The following DIAPH2 variants were observed in gnomAD, a reference collection of about 807,000 sequenced individuals.
DIAPH2 encodes the protein protein diaphanous homolog 2.
In DIAPH2, 35 loss-of-function variants were observed where a neutral mutation model predicts 92.7. That is an observed-to-expected ratio of 0.38 (90% CI 0.29 to 0.50). DIAPH2 has a LOEUF of 0.50. Ranked by LOEUF, DIAPH2 falls within the 20% of genes least tolerant of loss-of-function variation. The pLI is 0.94. For missense variants in DIAPH2, 701 were observed against 819.5 expected, an observed-to-expected ratio of 0.86 and a Z score of 1.77; for synonymous variants, 301 against 280.4, an observed-to-expected ratio of 1.07 and a Z score of -0.73.
chrX:97,032,737 A>G (rs1359700010), intron 17 of DIAPH2, among the ~76,000 whole-genome samples: 2 of 111,811 alleles, frequency 1.8e-5, no homozygotes, highest in East Asian at 5.6e-4. Context: ...AAGAACTTGC[A>G]TAAGTTTCCT....
At chrX:97,116,025 C>CT (rs779374581) in intron 21 of DIAPH2, among the ~76,000 whole-genome samples, 1 of 111,422 alleles carries the variant, frequency 9.0e-6, no homozygotes, top group Admixed American at 9.5e-5. Context: ...TTCTTTCACT[C>CT]TTTTTTTTCT....
At chrX:96,716,657 A>G (rs933816627) in intron 1 of DIAPH2, among the ~76,000 whole-genome samples, 10 of 110,876 alleles carry the variant, frequency 9.0e-5, no homozygotes, top group Non-Finnish European at 1.9e-4. Context: ...CCCCAAACTG[A>G]GAATTAGTTT....
intron 4 of DIAPH2, among the ~76,000 whole-genome samples, chrX:96,777,715 C>T (rs968552720): frequency 2.7e-5 from 3 of 111,293 alleles, no homozygotes; most frequent in East Asian, 5.6e-4. Flanking sequence ...TCTGAGTTAT[C>T]ACATTTTAGG....
At chrX:97,166,683 G>A (rs1375620009) in intron 22 of DIAPH2, among the ~76,000 whole-genome samples, 1 of 109,514 alleles carries the variant, frequency 9.1e-6, no homozygotes, top group Non-Finnish European at 1.9e-5. Context: ...GTAATAGATA[G>A]TATGTAAGGT....
chrX:96,814,430 CT>C (rs1028315773), intron 4 of DIAPH2, among the ~76,000 whole-genome samples: 1 of 111,569 alleles, frequency 9.0e-6, no homozygotes, highest in Non-Finnish European at 1.9e-5. Flanking sequence ...TTTGTCTAAT[CT>C]TTTTTCTAGG....
At chrX:97,058,707 T>A (rs2066575692) in intron 17 of DIAPH2, among the ~76,000 whole-genome samples, 1 of 110,922 alleles carries the variant, frequency 9.0e-6, no homozygotes, top group East Asian at 2.8e-4. Flanking sequence ...CAGAAGATCA[T>A]CACTTTCACA....
chrX:97,563,698 G>A (rs545668500), intron 26 of DIAPH2, among the ~76,000 whole-genome samples: 3 of 111,592 alleles, frequency 2.7e-5, no homozygotes, highest in South Asian at 7.7e-4. Flanking sequence ...GATGAGCTTC[G>A]TGTGGATACG....
intron 5 of DIAPH2, among the ~76,000 whole-genome samples, chrX:96,905,473 T>C (rs1360269853): frequency 2.7e-5 from 3 of 110,840 alleles, no homozygotes; most frequent in Non-Finnish European, 3.8e-5. Flanking sequence ...TTATAGAAAA[T>C]TTTCCTCGTT....
At chrX:96,975,024 T>G (rs2065951842) in intron 17 of DIAPH2, among the ~76,000 whole-genome samples, 1 of 111,572 alleles carries the variant, frequency 9.0e-6, no homozygotes, top group Non-Finnish European at 1.9e-5. Context: ...TTAATAAAAT[T>G]TAGCTTCTTT....
intron 23 of DIAPH2, among the ~76,000 whole-genome samples, chrX:97,249,715 C>A (rs912387491): frequency 9.0e-6 from 1 of 111,581 alleles, no homozygotes; most frequent in African/African-American, 3.3e-5. Flanking sequence ...TATATGAGTT[C>A]TGGTGCCTAC....
At chrX:97,457,721 T>C (rs763144167) in intron 26 of DIAPH2, among the ~76,000 whole-genome samples, 50 of 111,927 alleles carry the variant, frequency 4.5e-4, no homozygotes, top group African/African-American at 1.5e-3. Context: ...AAAATACATA[T>C]GTTGAAACAT....
At chrX:97,194,549 G>A (rs1046388549) in intron 22 of DIAPH2, among the ~76,000 whole-genome samples, 4 of 111,316 alleles carry the variant, frequency 3.6e-5, no homozygotes, top group African/African-American at 3.3e-5. Context: ...CTCCCAAAGT[G>A]CTGGGATTAC....
chrX:96,954,848 A>G (rs918933588), intron 15 of DIAPH2, among the ~76,000 whole-genome samples: 5 of 112,509 alleles, frequency 4.4e-5, no homozygotes, highest in African/African-American at 1.6e-4. Context: ...GTTAGAAGCC[A>G]GCTAAGTTAC....
Position 97,576,230 on chromosome X carries a change from G to A in DIAPH2, c.3242-23023G>A, listed in dbSNP as rs531057344. Among the ~76,000 whole-genome samples, 3 of 111,469 alleles carry A rather than the reference G, an allele frequency of 2.7e-5. No individual in the cohort carries two copies. In the East Asian group the frequency reaches 8.5e-4, roughly 32 times the overall value. On this transcript the variant is annotated intron_variant, in intron 26 of 26. Coordinates refer to ENST00000324765, the MANE Select transcript of DIAPH2 (RefSeq NM_006729.5). Reference sequence around the variant, plus strand: ...GATTTTGGCCCTCTGACATCAAAAGGTCACTCACCAGGCAAGCAAGTCTAT... The same window carrying A: ...GATTTTGGCCCTCTGACATCAAAAGATCACTCACCAGGCAAGCAAGTCTAT...
chrX:96,716,060 G>C (rs953752466), intron 1 of DIAPH2, among the ~76,000 whole-genome samples: 3 of 111,150 alleles, frequency 2.7e-5, no homozygotes, highest in African/African-American at 9.8e-5. Flanking sequence ...TTGCCTTAGT[G>C]TTAACACATC....
chrX:96,834,149 T>A (rs1033294301), intron 4 of DIAPH2, among the ~76,000 whole-genome samples: 3 of 111,934 alleles, frequency 2.7e-5, no homozygotes. Flanking sequence ...ACTCACCATA[T>A]AAAGGTTGAC....
chrX:97,080,872 A>G (rs1191364245), intron 19 of DIAPH2, among the ~76,000 whole-genome samples: 2 of 111,528 alleles, frequency 1.8e-5, no homozygotes, highest in East Asian at 5.7e-4. Flanking sequence ...TGTCTCCTCA[A>G]TCCATCTTTG....
At position 96,954,586 on chromosome X, in the gene DIAPH2, G is replaced by A. The variant is rs758159605; in HGVS notation, c.1615-3242G>A. On this transcript the variant is annotated intron_variant, in intron 15 of 26. Coordinates refer to ENST00000324765, the MANE Select transcript of DIAPH2 (RefSeq NM_006729.5). ...AGACAGTCTTTTATATTGGGATGAG[G>A]ATGGTATTAGATGTAAGAAGAACCA... Among the ~76,000 whole-genome samples, 4 of 111,925 alleles carry A rather than the reference G, an allele frequency of 3.6e-5. No homozygotes were observed. The South Asian group carries it at 1.5e-3, about 42-fold the overall frequency.
intron 26 of DIAPH2, among the ~76,000 whole-genome samples, chrX:97,497,280 C>A (rs2070765427): frequency 9.0e-6 from 1 of 110,706 alleles, no homozygotes; most frequent in Admixed American, 9.6e-5. Context: ...GTCAATGACC[C>A]TTCAGAAAAT....
Sources: gnomAD v4.1 joint callset for allele counts (sites outside exome capture counted in the v4.1 genomes callset) on GRCh38, gnomAD v4.1.1 for gene constraint, MANE v1.5 for transcripts, NCBI Gene and HGNC (gene_info 2026-07-23, HGNC 2026-07-21) for gene names.